The following APP variants were observed in gnomAD, a reference collection of about 807,000 sequenced individuals.
APP encodes amyloid beta precursor protein, also known as amyloid-beta precursor protein.
Under a neutral mutation model 101.4 loss-of-function variants are expected in APP, and 31 were observed. That is an observed-to-expected ratio of 0.31 (90% CI 0.23 to 0.41). The LOEUF (loss-of-function observed/expected upper bound fraction) is 0.41, where lower values mean the gene tolerates loss of function less well. Ranked by LOEUF, APP falls within the 10% of genes least tolerant of loss-of-function variation. APP has a pLI of 1.00. For synonymous variants in APP, 366 were observed against 364.4 expected (o/e 1.00, Z -0.05); for missense variants, 839 against 1,003.7 (o/e 0.84, Z 2.22).
intron 1 of APP, among the ~76,000 whole-genome samples, chr21:26,135,364 T>C (rs968866946): frequency 2.6e-5 from 4 of 152,236 alleles, no homozygotes; most frequent in African/African-American, 7.2e-5. Context: ...AACTTAAAGA[T>C]AGCCAAGTTC....
chr21:25,904,470 T>C (rs1458235146), intron 15 of APP, among the ~76,000 whole-genome samples: 3 of 152,216 alleles, frequency 2.0e-5, no homozygotes, highest in Non-Finnish European at 4.4e-5. Context: ...TCATTGAGAA[T>C]AAGTACATAC....
intron 9 of APP, among the ~76,000 whole-genome samples, chr21:25,979,511 A>G (rs1427752237): frequency 1.3e-5 from 2 of 152,210 alleles, no homozygotes; most frequent in East Asian, 1.9e-4. Flanking sequence ...ATGAAGATAC[A>G]TATTGATTTC....
intron 6 of APP, among the ~76,000 whole-genome samples, chr21:26,021,012 T>C (rs2044311411): frequency 6.6e-6 from 1 of 151,668 alleles, no homozygotes; most frequent in East Asian, 1.9e-4. Flanking sequence ...TCTGTTAAAA[T>C]TCATAGCATA....
chr21:26,016,325 G>A (rs975766815), intron 6 of APP, among the ~76,000 whole-genome samples: 1 of 152,082 alleles, frequency 6.6e-6, no homozygotes, highest in Non-Finnish European at 1.5e-5. Flanking sequence ...GAGCCACAGC[G>A]CCAGCCTGAT....
intron 11 of APP, among the ~76,000 whole-genome samples, chr21:25,974,612 G>A (rs1289756123): frequency 6.6e-6 from 1 of 152,212 alleles, no homozygotes; most frequent in Admixed American, 6.5e-5. Flanking sequence ...AACCAAGTAT[G>A]CTGATGTCTT....
intron 6 of APP, among the ~76,000 whole-genome samples, chr21:26,011,991 T>C (rs1455716796): frequency 6.6e-6 from 1 of 152,096 alleles, no homozygotes; most frequent in Non-Finnish European, 1.5e-5. Flanking sequence ...TAGCGTAACC[T>C]TTAACATTTC....
At chr21:25,899,794 A>G (rs1412260994) in intron 15 of APP, among the ~76,000 whole-genome samples, 1 of 152,214 alleles carries the variant, frequency 6.6e-6, no homozygotes, top group Non-Finnish European at 1.5e-5. Context: ...GTTATTTGCT[A>G]CGTAGCAATA....
intron 8 of APP, among the ~76,000 whole-genome samples, chr21:25,983,688 TAATAA>T (rs1384291753): frequency 6.6e-6 from 1 of 152,168 alleles, no homozygotes; most frequent in East Asian, 1.9e-4. Context: ...CAATCCTGAT[TAATAA>T]TCATTTTTCA....
intron 1 of APP, among the ~76,000 whole-genome samples, chr21:26,130,943 T>C (rs45500402): frequency 6.6e-6 from 1 of 152,196 alleles, no homozygotes; most frequent in East Asian, 1.9e-4. Context: ...TAAATATATG[T>C]TGTTGGTCAG....
rs1427861247 is a variant in APP, at chr21:25,880,758, AT to A, written c.*911del. 1 of 152,252 alleles carries A rather than the reference AT, an allele frequency of 6.6e-6. No homozygotes were observed. The highest frequency in any genetic ancestry group is 1.5e-5 in the Non-Finnish European group (1 of 68,040). The allele number at this position is 152,252 out of a possible 1,614,324, so 9.4% of individuals were successfully genotyped here. ...CTTCTCCCCACCCAAAATTACTTCG[AT>A]TATTTAATGTCTGTAGTCATCCTTC... On this transcript the variant is annotated 3_prime_UTR_variant, in exon 18 of 18. Transcript: ENST00000346798.
intron 16 of APP, among the ~76,000 whole-genome samples, chr21:25,894,343 C>G (rs999506012): frequency 2.6e-5 from 4 of 152,124 alleles, no homozygotes; most frequent in Admixed American, 6.5e-5. Flanking sequence ...TTTTGTAGGG[C>G]TATTCACTGC....
At chr21:26,139,911 C>T (rs530706754) in intron 1 of APP, among the ~76,000 whole-genome samples, 18 of 151,560 alleles carry the variant, frequency 1.2e-4, no homozygotes, top group Middle Eastern at 3.4e-3. Context: ...AACAAACAAA[C>T]AAACAAACAA....
chr21:25,973,943 TAAA>T (rs369334912), intron 11 of APP, among the ~76,000 whole-genome samples: 14 of 111,100 alleles, frequency 1.3e-4, no homozygotes, highest in African/African-American at 4.2e-4. Context: ...CCATCTCATT[TAAA>T]AAAAAAAAAA....
intron 2 of APP, among the ~76,000 whole-genome samples, chr21:26,094,643 T>C (rs2061901158): frequency 6.7e-6 from 1 of 149,962 alleles, no homozygotes; most frequent in African/African-American, 2.4e-5. Flanking sequence ...AAGATATAAA[T>C]ATAAATATAG....
chr21:26,121,276 G>C (rs1484802632), intron 1 of APP, among the ~76,000 whole-genome samples: 5 of 152,120 alleles, frequency 3.3e-5, no homozygotes, highest in African/African-American at 1.2e-4. Context: ...CACATAATTT[G>C]CAAGTTTAAT....
At chr21:25,972,775 G>A (rs1568787515) in intron 11 of APP, among the ~76,000 whole-genome samples, 2 of 151,570 alleles carry the variant, frequency 1.3e-5, no homozygotes, top group Non-Finnish European at 2.9e-5. Flanking sequence ...AGAGTTTACA[G>A]CACCCAAAAT....
chr21:25,983,904 C>T (rs559198623), intron 8 of APP, among the ~76,000 whole-genome samples: 2 of 152,306 alleles, frequency 1.3e-5, no homozygotes, highest in South Asian at 4.1e-4. Flanking sequence ...CAATTAAGCA[C>T]ATTTGGATTT....
At chr21:26,033,455 A>AG (rs1208744865) in intron 5 of APP, among the ~76,000 whole-genome samples, 2 of 152,194 alleles carry the variant, frequency 1.3e-5, no homozygotes, top group African/African-American at 4.8e-5. Flanking sequence ...TAAACTACCC[A>AG]GTCTTGGTTA....
intron 1 of APP, among the ~76,000 whole-genome samples, chr21:26,153,811 A>G (rs893725310): frequency 1.3e-5 from 2 of 152,238 alleles, no homozygotes; most frequent in Non-Finnish European, 2.9e-5. Context: ...GAAAACTTTA[A>G]GTTTAATTAA....
Sources: gnomAD v4.1 joint callset for allele counts (sites outside exome capture counted in the v4.1 genomes callset) on GRCh38, gnomAD v4.1.1 for gene constraint, MANE v1.5 for transcripts, NCBI Gene and HGNC (gene_info 2026-07-23, HGNC 2026-07-21) for gene names.